CATSPERG: variants seen among roughly 807,000 people sequenced by gnomAD.
CATSPERG encodes catsper channel auxiliary subunit gamma.
Under a neutral mutation model 145.0 loss-of-function variants are expected in CATSPERG, and 115 were observed. The ratio of observed to expected loss-of-function variants is 0.79; its 90% confidence interval spans 0.68 to 0.93. The LOEUF is 0.93. CATSPERG is among the 40% of genes least tolerant of loss of function. CATSPERG has a pLI of 0.00. For synonymous variants in CATSPERG, 588 were observed against 589.0 expected, an observed-to-expected ratio of 1.00 and a Z score of 0.02; for missense variants, 1,296 against 1,490.1, an observed-to-expected ratio of 0.87 and a Z score of 2.14.
intron 16 of CATSPERG, among the ~76,000 whole-genome samples, chr19:38,361,431 C>T (rs1415509741): frequency 6.6e-6 from 1 of 151,910 alleles, no homozygotes. Flanking sequence ...ATGGCGACTG[C>T]CCGTTGAGTA....
intron 9 of CATSPERG, 138 bp downstream of exon 9, chr19:38,354,985 A>T: frequency 1.0e-6 from 1 of 1,000,818 alleles, no homozygotes; most frequent in Non-Finnish European, 1.5e-6. Flanking sequence ...GTGGTGGTGG[A>T]GGGATGCGTT....
intron 14 of CATSPERG, chr19:38,359,873 C>G (rs1052779037): frequency 8.8e-7 from 1 of 1,136,780 alleles, no homozygotes; most frequent in Non-Finnish European, 1.1e-6. Flanking sequence ...TGCCTGCCCC[C>G]GTGCTGGAGA....
chr19:38,362,642 G>T, intron 19 of CATSPERG, 68 bp downstream of exon 19: 2 of 1,606,870 alleles, frequency 1.2e-6, no homozygotes, highest in Middle Eastern at 1.7e-4. Context: ...GAGCCTGGGG[G>T]GCGGGGACAC....
intron 7 of CATSPERG, among the ~76,000 whole-genome samples, chr19:38,347,818 G>A (rs1013640268): frequency 6.6e-6 from 1 of 151,968 alleles, no homozygotes; most frequent in South Asian, 2.1e-4. Flanking sequence ...GCAGGCACCT[G>A]TAATCCCAGC....
rs1600491910 is a variant in CATSPERG, at chr19:38,370,838, T to C, written c.*46T>C. 3 of 1,589,806 alleles carry C rather than the reference T, an allele frequency of 1.9e-6. No homozygotes were observed. Among genetic ancestry groups the C allele is most frequent in the South Asian group, 1.1e-5 (1 of 90,230 alleles). ...CCCAGTTACTGTCACGCCTCTCTTA[T>C]GAGGCCCATCTTGAAGATGCAACCT... On this transcript the variant is annotated 3_prime_UTR_variant, in exon 29 of 29. Transcript: ENST00000409235.
At position 38,361,817 on chromosome 19, in the gene CATSPERG, G is replaced by C; in HGVS notation, c.2050G>C (p.Gly684Arg). 2 of 1,612,720 alleles carry C rather than the reference G, an allele frequency of 1.2e-6. No homozygotes were observed. The highest frequency in any genetic ancestry group is 8.5e-7 in the Non-Finnish European group (1 of 1,179,518). ...HNENSLAIYQ[G>R]LVYYLLWLHS... ...CGAGAACTCGCTCGCCATCTACCAGGGCCTGGTCTACTACCTGCTGTGGCT... is the reference window on the plus strand; with the variant it reads ...CGAGAACTCGCTCGCCATCTACCAGCGCCTGGTCTACTACCTGCTGTGGCT... Residue 684 changes from glycine (G) to arginine (R), a missense_variant, in exon 17 of 29, where the codon GGC becomes CGC. Transcript: ENST00000409235.
intron 5 of CATSPERG, 56 bp downstream of exon 5, chr19:38,344,175 G>A: frequency 6.5e-7 from 1 of 1,549,742 alleles, no homozygotes; most frequent in South Asian, 1.2e-5. Context: ...CCTCACCCCA[G>A]GGTCCCCAGA....
chr19:38,343,565 C>T lies in CATSPERG; in HGVS notation c.325-15C>T, dbSNP rs1232733370. ...CTACCATAAGGACACACTTGTGGGG[C>T]CATCTCACCCTCAGCCCTCTGAGGA... On this transcript the variant is annotated splice_polypyrimidine_tract_variant and intron_variant, in intron 3 of 28. Coordinates refer to ENST00000409235, the MANE Select transcript of CATSPERG (RefSeq NM_021185.5). The T allele has an allele frequency of 2.0e-6, 3 of 1,536,602 alleles. No homozygotes were observed. The highest frequency in any genetic ancestry group is 2.6e-6 in the Non-Finnish European group (3 of 1,139,430).
Position 38,370,774 on chromosome 19 carries a change from G to A in CATSPERG, c.3462G>A (p.Glu1154=). Residue 1154 remains glutamate, a synonymous_variant, in exon 29 of 29, where the codon GAG becomes GAA. Coordinates refer to ENST00000409235, the MANE Select transcript of CATSPERG (RefSeq NM_021185.5). ...EDRAEPKEAV[E]RQLMT ...GGGCTGAACCCAAGGAAGCCGTGGA[G>A]AGACAGTTGATGACCTGAGTGTCCC... is the stretch of plus-strand genomic sequence containing the variant. 6.2e-7 allele frequency: 1 copy of A among 1,613,912 alleles called. No homozygotes were observed. Among genetic ancestry groups the A allele is most frequent in the Non-Finnish European group, 8.5e-7 (1 of 1,179,940 alleles).
chr19:38,362,376 G>C lies in CATSPERG; in HGVS notation c.2158G>C (p.Asp720His). The C allele has an allele frequency of 6.2e-7, 1 of 1,614,172 alleles. No homozygotes were observed. The highest frequency in any genetic ancestry group is 2.2e-5 in the East Asian group (1 of 44,870). ...CTGCCCCGCGCATCCGGTACCCCAGGATTACTACTTCTTCTTGGCGAGCAA... is the reference window on the plus strand; with the variant it reads ...CTGCCCCGCGCATCCGGTACCCCAGCATTACTACTTCTTCTTGGCGAGCAA... ...RWWANNKQDQ[D>H]YYFFLASNWR... The change falls in exon 19 of 29, where the codon GAT (aspartate) becomes CAT (histidine). Residue 720 changes from aspartate (D) to histidine (H), a missense_variant and splice_region_variant. By Grantham distance (81) the Asp-to-His change is moderately conservative. Transcript: ENST00000409235.
intron 14 of CATSPERG, 100 bp downstream of exon 14, chr19:38,359,681 G>A: frequency 2.7e-6 from 4 of 1,479,324 alleles, no homozygotes; most frequent in Non-Finnish European, 2.7e-6. Flanking sequence ...AGGGAAGGGG[G>A]CACCCTCGGG....
rs780493103 is a variant in CATSPERG at position 38,361,727 on chromosome 19, T to C, written c.1960T>C (p.Tyr654His). ...RLRSLPSPQRYTRQERYRARP... is the reference protein window; with the variant it reads ...RLRSLPSPQRHTRQERYRARP... ...GCGGAGCCTGCCCAGTCCGCAGAGA[T>C]ACACGCGCCAGGAGCGCTACCGGGC... is the stretch of plus-strand genomic sequence containing the variant. Residue 654 changes from tyrosine to histidine, a missense_variant, in exon 17 of 29, where the codon TAC (tyrosine) becomes CAC (histidine). Coordinates refer to ENST00000409235, the MANE Select transcript of CATSPERG (RefSeq NM_021185.5). 5 of 1,613,262 alleles carry C rather than the reference T, an allele frequency of 3.1e-6. No individual in the cohort carries two copies. In the South Asian group the frequency reaches 3.3e-5, roughly 11 times the overall value.
At chr19:38,359,644 CTT>C in intron 14 of CATSPERG, 63 bp downstream of exon 14, 1 of 1,541,838 alleles carries the variant, frequency 6.5e-7, no homozygotes, top group Non-Finnish European at 8.8e-7. Context: ...AGGGGCCCCT[CTT>C]TCCCCCGTCA....
In CATSPERG at chr19:38,350,407, C is replaced by T. The variant is rs539244101; in HGVS notation, c.826-1854C>T. 7.2e-5 allele frequency among the ~76,000 whole-genome samples: 11 copies of T among 152,166 alleles called. No individual in the cohort carries two copies. In the South Asian group the frequency reaches 1.0e-3, roughly 14 times the overall value. On this transcript the variant is annotated intron_variant, in intron 7 of 28. Transcript: ENST00000409235. ...TTGCTTGCTTTTTGAGACGGAGTTT[C>T]GCTCTTGTCACCCAGGCTGGAGTGC...
At chr19:38,366,542 G>C (rs1192554544) in intron 22 of CATSPERG, 1 of 152,686 alleles carries the variant, frequency 6.5e-6, no homozygotes, top group Non-Finnish European at 1.5e-5. Flanking sequence ...AGCAGAGGAG[G>C]GACTCGGGTG....
At chr19:38,369,218 G>T (rs1012504539) in intron 26 of CATSPERG, among the ~76,000 whole-genome samples, 1 of 152,076 alleles carries the variant, frequency 6.6e-6, no homozygotes, top group Admixed American at 6.6e-5. Context: ...GTGAATGAAC[G>T]AACAACTTGC....
In CATSPERG at chr19:38,364,961, T is replaced by A; in HGVS notation, c.2546T>A (p.Met849Lys). 2 of 1,614,016 alleles carry A rather than the reference T, an allele frequency of 1.2e-6. No homozygotes were observed. Among genetic ancestry groups the A allele is most frequent in the South Asian group, 2.2e-5 (2 of 91,076 alleles). The change falls in exon 21 of 29, where the codon ATG becomes AAG. Residue 849 changes from methionine (M) to lysine (K), a missense_variant. Transcript: ENST00000409235. The stretch of plus-strand genomic sequence containing the variant: ...GGACATCACCTTATGGAGACTTCCA[T>A]GACGGTCAATGTGAGGTCCAAGCCT... ...ISGHHLMETS[M>K]TVNVVGSSGL...
intron 1 of CATSPERG, chr19:38,336,483 C>T (rs1057239461): frequency 2.6e-5 from 7 of 270,208 alleles, no homozygotes; most frequent in Non-Finnish European, 4.5e-5. Flanking sequence ...GAGCAAGCCC[C>T]GGGCGAGAAA....
chr19:38,352,446 G>A lies in CATSPERG; in HGVS notation c.997+14G>A. ...ACCGCGGCAGTGGTGAGTGTGCTGT[G>A]GCTGGACCCACGCCTGGGGAGGGCA... is the stretch of plus-strand genomic sequence containing the variant. On this transcript the variant is annotated intron_variant, in intron 8 of 28. Coordinates refer to ENST00000409235, the MANE Select transcript of CATSPERG (RefSeq NM_021185.5). 1 of 1,551,658 alleles carries A rather than the reference G, an allele frequency of 6.4e-7. No homozygotes were observed. The highest frequency in any genetic ancestry group is 8.7e-7 in the Non-Finnish European group (1 of 1,147,036).
Sources: allele counts gnomAD v4.1 joint callset (sites outside exome capture counted in the v4.1 genomes callset), GRCh38; gene constraint gnomAD v4.1.1; transcripts MANE v1.5; gene names NCBI Gene and HGNC (gene_info 2026-07-23, HGNC 2026-07-21).